HMGB1: variants seen among roughly 807,000 people sequenced by gnomAD.
HMGB1 encodes high mobility group protein B1.
For synonymous variants in HMGB1, 81 were observed against 84.0 expected, an observed-to-expected ratio of 0.96 and a Z score of 0.19; for missense variants, 79 against 253.5, an observed-to-expected ratio of 0.31 and a Z score of 4.67.
chr13:30,562,047 C>T (rs1008919527), intron 1 of HMGB1, among the ~76,000 whole-genome samples: 5 of 152,130 alleles, frequency 3.3e-5, no homozygotes, highest in East Asian at 1.9e-4. Flanking sequence ...CTTGGCCGGG[C>T]GCAGTGGCTC....
chr13:30,529,279 T>C (rs1888445273), intron 1 of HMGB1, among the ~76,000 whole-genome samples: 1 of 152,108 alleles, frequency 6.6e-6, no homozygotes, highest in African/African-American at 2.4e-5. Context: ...AGGTTTCACA[T>C]CTGCCAAGGC....
intron 1 of HMGB1, among the ~76,000 whole-genome samples, chr13:30,587,763 C>G (rs184343689): frequency 3.3e-5 from 5 of 152,192 alleles, no homozygotes; most frequent in African/African-American, 1.2e-4. Flanking sequence ...CTTGTATCAC[C>G]CCATCATTAT....
intron 1 of HMGB1, among the ~76,000 whole-genome samples, chr13:30,490,903 T>G (rs1273552279): frequency 2.0e-5 from 3 of 152,118 alleles, no homozygotes; most frequent in Non-Finnish European, 4.4e-5. Flanking sequence ...AAAAAGTAGC[T>G]CTAATTCCCT....
intron 1 of HMGB1, among the ~76,000 whole-genome samples, chr13:30,564,474 A>C (rs1443023374): frequency 1.3e-5 from 2 of 151,916 alleles, no homozygotes; most frequent in Non-Finnish European, 2.9e-5. Flanking sequence ...AGTCTCAAAA[A>C]ACAAACAAAC....
At position 30,477,758 on chromosome 13, in the gene HMGB1, A is replaced by G. The variant is rs7339160; in HGVS notation, c.-14-14064T>C. ...CACCTTGGATTTGCCTCTAACTAAA[A>G]TCACAGGCTGGAAATGCAGAAGTCC... On this transcript the variant is annotated intron_variant, in intron 1 of 4. Coordinates refer to the HMGB1 transcript ENST00000405805. 7.2e-3 allele frequency among the ~76,000 whole-genome samples: 1,097 copies of G among 152,290 alleles called. 14 individuals are homozygous for G. The highest frequency in any genetic ancestry group is 0.026 in the African/African-American group (1,061 of 41,564).
chr13:30,590,630 A>G (rs1249532665), intron 1 of HMGB1, among the ~76,000 whole-genome samples: 2 of 152,264 alleles, frequency 1.3e-5, no homozygotes, highest in Admixed American at 6.5e-5. Context: ...AATGAAATTC[A>G]AGGTTCCAAT....
At chr13:30,590,218 C>T (rs1871312225) in intron 1 of HMGB1, among the ~76,000 whole-genome samples, 1 of 151,712 alleles carries the variant, frequency 6.6e-6, no homozygotes, top group South Asian at 2.1e-4. Context: ...CCACTGAGTA[C>T]TTAGAATATA....
intron 1 of HMGB1, among the ~76,000 whole-genome samples, chr13:30,487,315 C>G (rs1418315711): frequency 2.0e-5 from 3 of 152,230 alleles, no homozygotes; most frequent in African/African-American, 7.2e-5. Flanking sequence ...ACACTTGGTG[C>G]CTTCATCTGC....
At chr13:30,540,296 A>C in intron 1 of HMGB1, 1 of 164,492 alleles carries the variant, frequency 6.1e-6, no homozygotes, top group East Asian at 1.7e-4. Flanking sequence ...TAGCAGGAGC[A>C]AATGTGAGGC....
At chr13:30,509,751 T>C (rs1887949292) in intron 1 of HMGB1, among the ~76,000 whole-genome samples, 1 of 152,202 alleles carries the variant, frequency 6.6e-6, no homozygotes, top group Non-Finnish European at 1.5e-5. Context: ...TTTCAACATA[T>C]ATAATGCACT....
At chr13:30,469,349 T>C (rs1286633635), upstream of HMGB1, among the ~76,000 whole-genome samples, 2 of 152,232 alleles carry the variant, frequency 1.3e-5, no homozygotes, top group Non-Finnish European at 2.9e-5. Context: ...GTACCTCTTT[T>C]CTGTAATCCT....
chr13:30,488,130 G>A (rs1057157669), intron 1 of HMGB1, among the ~76,000 whole-genome samples: 7 of 152,118 alleles, frequency 4.6e-5, no homozygotes, highest in African/African-American at 1.7e-4. Flanking sequence ...AGTCTTTAAA[G>A]AATTACAGAA....
At chr13:30,577,462 C>T (rs1232714869) in intron 1 of HMGB1, among the ~76,000 whole-genome samples, 1 of 152,074 alleles carries the variant, frequency 6.6e-6, no homozygotes, top group African/African-American at 2.4e-5. Flanking sequence ...CTGTTGCTTG[C>T]ACCGCCCAGT....
At chr13:30,517,436 GCT>G (rs1888125679) in intron 1 of HMGB1, among the ~76,000 whole-genome samples, 1 of 152,218 alleles carries the variant, frequency 6.6e-6, no homozygotes, top group Non-Finnish European at 1.5e-5. Flanking sequence ...ACGGAGTCTC[GCT>G]CTGTCACCCA....
At chr13:30,466,304 C>CG (rs1017377774), upstream of HMGB1, among the ~76,000 whole-genome samples, 28 of 151,838 alleles carry the variant, frequency 1.8e-4, no homozygotes, top group Admixed American at 2.0e-4. Flanking sequence ...TCTCCCCCCC[C>CG]CTTCTTGCCC....
intron 1 of HMGB1, chr13:30,464,176 T>C (rs865817271): frequency 2.0e-5 from 20 of 984,090 alleles, no homozygotes; most frequent in Middle Eastern, 5.2e-4. Context: ...ACCGAAAGTT[T>C]CAAAAAACAC....
chr13:30,492,044 T>G (rs1887507283), intron 1 of HMGB1, among the ~76,000 whole-genome samples: 1 of 152,032 alleles, frequency 6.6e-6, no homozygotes, highest in Non-Finnish European at 1.5e-5. Flanking sequence ...AGTATGCACC[T>G]GTAGTCCCAG....
upstream of HMGB1, among the ~76,000 whole-genome samples, chr13:30,467,227 T>C (rs1047895741): frequency 6.6e-6 from 1 of 152,118 alleles, no homozygotes; most frequent in Non-Finnish European, 1.5e-5. Flanking sequence ...CCCTTTTTTT[T>C]CACTCTCTAA....
At chr13:30,554,226 C>T in intron 1 of HMGB1, 1 of 1,440,720 alleles carries the variant, frequency 6.9e-7, no homozygotes, top group Non-Finnish European at 9.8e-7. Flanking sequence ...TTTGGAGTCC[C>T]TGAATCACCA....
Sources: allele counts gnomAD v4.1 joint callset (sites outside exome capture counted in the v4.1 genomes callset), GRCh38; gene constraint gnomAD v4.1.1; transcripts MANE v1.5; gene names NCBI Gene and HGNC (gene_info 2026-07-23, HGNC 2026-07-21).